The following PISD variants were observed in gnomAD, a reference collection of about 807,000 sequenced individuals.
PISD encodes phosphatidylserine decarboxylase, also known as phosphatidylserine decarboxylase proenzyme, mitochondrial.
In PISD, 31 loss-of-function variants were observed where a neutral mutation model predicts 43.5. The observed-to-expected ratio is 0.71, with a 90% confidence interval of 0.54 to 0.96. The LOEUF (loss-of-function observed/expected upper bound fraction) is 0.96. Ranked by LOEUF, PISD falls within the 40% of genes least tolerant of loss-of-function variation. PISD has a pLI of 0.00. For synonymous variants in PISD, 259 were observed against 228.7 expected (o/e 1.13, Z -1.20); for missense variants, 523 against 548.4 (o/e 0.95, Z 0.46).
intron 3 of PISD, among the ~76,000 whole-genome samples, chr22:31,647,610 T>C (rs916044908): frequency 1.3e-5 from 2 of 152,256 alleles, no homozygotes; most frequent in Admixed American, 6.5e-5. Flanking sequence ...GAAGCACAGA[T>C]GAACAAGATG....
rs776717426 is a variant in PISD at position 31,619,491 on chromosome 22, T to TCA, written c.*119_*120dup. 1.7e-4 allele frequency: 128 copies of TCA among 760,872 alleles called. No homozygotes were observed. Among genetic ancestry groups the TCA allele is most frequent in the Non-Finnish European group, 2.8e-4 (119 of 430,082 alleles). The allele number at this position is 760,872 out of a possible 1,614,324, so 47.1% of individuals were successfully genotyped here. A position where few individuals can be genotyped will look rare whatever the true frequency, so the allele number is the denominator to read the frequency against. On this transcript the variant is annotated 3_prime_UTR_variant, in exon 8 of 8. Coordinates refer to ENST00000439502, the MANE Select transcript of PISD (RefSeq NM_001326411.2). Reference sequence around the variant, plus strand: ...GCCGAATCATTCAAGTCCTACCTGGTCAGACTCCCAACCACGCTGAGGCAG... The same window carrying TCA: ...GCCGAATCATTCAAGTCCTACCTGGTCACAGACTCCCAACCACGCTGAGGCAG...
intron 3 of PISD, chr22:31,628,934 G>C: frequency 1.0e-6 from 1 of 985,442 alleles, no homozygotes; most frequent in Non-Finnish European, 1.2e-6. Context: ...GAGGGGCTTA[G>C]GTGGCAGTTC....
At chr22:31,620,529 T>TG (rs1310332130) in intron 7 of PISD, 24 bp downstream of exon 7, 2 of 1,612,724 alleles carry the variant, frequency 1.2e-6, no homozygotes, top group African/African-American at 2.7e-5. Context: ...CCTTGGGCTT[T>TG]GGCAGGGCCT....
chr22:31,641,123 T>C (rs981143056), intron 3 of PISD, among the ~76,000 whole-genome samples: 2 of 151,920 alleles, frequency 1.3e-5, no homozygotes, highest in East Asian at 3.9e-4. Context: ...TGACCTCAGG[T>C]GATCCACCCA....
intron 3 of PISD, chr22:31,628,225 G>GA: frequency 1.0e-6 from 1 of 983,580 alleles, no homozygotes; most frequent in Non-Finnish European, 1.2e-6. Context: ...AGGATGGAGA[G>GA]AAGGGGCGCC....
At chr22:31,621,584 G>T (rs2072581163) in intron 4 of PISD, 65 bp downstream of exon 4, 1 of 1,588,120 alleles carries the variant, frequency 6.3e-7, no homozygotes, top group Admixed American at 1.7e-5. Context: ...TGGAGACCAG[G>T]GGGGCTGTGC....
intron 3 of PISD, among the ~76,000 whole-genome samples, chr22:31,647,429 C>A (rs1441971928): frequency 6.6e-6 from 1 of 152,174 alleles, no homozygotes; most frequent in Non-Finnish European, 1.5e-5. Context: ...ACTGTCACCC[C>A]CTCTTTTGCC....
chr22:31,621,501 G>A (rs2072570689), intron 4 of PISD, 29 bp from the exon 5 acceptor site: 5 of 1,613,328 alleles, frequency 3.1e-6, no homozygotes, highest in Non-Finnish European at 4.2e-6. Context: ...CTTGCTGCCA[G>A]GGAGAGCAGG....
chr22:31,657,993 C>T (rs2074225812), intron 1 of PISD, among the ~76,000 whole-genome samples: 1 of 152,190 alleles, frequency 6.6e-6, no homozygotes, highest in Non-Finnish European at 1.5e-5. Context: ...TGAGCACTAA[C>T]TTCTTAATTA....
chr22:31,652,870 C>G (rs1255375492), intron 1 of PISD, among the ~76,000 whole-genome samples: 2 of 151,820 alleles, frequency 1.3e-5, no homozygotes. Context: ...GAAACCCCAT[C>G]TGTACAAAAA....
At chr22:31,633,107 C>T (rs570283189) in intron 3 of PISD, among the ~76,000 whole-genome samples, 1 of 152,348 alleles carries the variant, frequency 6.6e-6, no homozygotes, top group East Asian at 1.9e-4. Context: ...AAGATGTTGA[C>T]GCAGAATCCT....
intron 2 of PISD, among the ~76,000 whole-genome samples, chr22:31,649,233 A>G (rs76040166): frequency 2.2e-4 from 33 of 152,260 alleles, no homozygotes; most frequent in Admixed American, 3.9e-4. Flanking sequence ...ATCAATCAAA[A>G]TGTGCAAAGG....
intron 3 of PISD, among the ~76,000 whole-genome samples, chr22:31,633,665 A>C (rs2073300430): frequency 6.6e-6 from 1 of 152,172 alleles, no homozygotes; most frequent in African/African-American, 2.4e-5. Context: ...CAGTGAGCCG[A>C]GATCGTACCA....
chr22:31,660,230 A>C lies in PISD; in HGVS notation c.65+1914T>G, dbSNP rs1184429364. Among the ~76,000 whole-genome samples, 10 of 152,156 alleles carry C rather than the reference A, an allele frequency of 6.6e-5. No individual in the cohort carries two copies. The East Asian group carries it at 1.9e-3, about 29-fold the overall frequency. ...AAATTAAGGTTTCTTATTGTACCCAAATCTTCATCTCTCTCACCCACTGCA... is the reference window on the plus strand; with the variant it reads ...AAATTAAGGTTTCTTATTGTACCCACATCTTCATCTCTCTCACCCACTGCA... On this transcript the variant is annotated intron_variant, in intron 1 of 7. Coordinates refer to ENST00000439502, the MANE Select transcript of PISD (RefSeq NM_001326411.2).
In PISD at chr22:31,621,709, G is replaced by A. The variant is rs1348346345; in HGVS notation, c.498C>T (p.Ser166=). The change falls in exon 4 of 8, where the codon AGC becomes AGT. Residue 166 remains serine, a synonymous_variant. Transcript: ENST00000439502. ...VEDLHHYRNL[S]EFFRRKLKPQ... is the part of the protein sequence containing the mutation. ...GCTTCAGCTTGCGCCGGAAGAACTC[G>A]CTGAGGTTGCGGTAGTGATGCAGGT... 13 of 1,613,946 alleles carry A rather than the reference G, an allele frequency of 8.1e-6. No homozygotes were observed. The highest frequency in any genetic ancestry group is 1.1e-5 in the South Asian group (1 of 91,090).
chr22:31,656,230 G>A (rs760178894), intron 1 of PISD, among the ~76,000 whole-genome samples: 7 of 152,250 alleles, frequency 4.6e-5, no homozygotes, highest in Non-Finnish European at 8.8e-5. Flanking sequence ...TATAATCCCA[G>A]CTACTTGGGA....
At chr22:31,620,806 C>T in intron 6 of PISD, 93 bp from the exon 7 acceptor site, 3 of 1,503,376 alleles carry the variant, frequency 2.0e-6, no homozygotes, top group Non-Finnish European at 2.7e-6. Flanking sequence ...TGGCCTGTTG[C>T]CCCGATGTCA....
At chr22:31,623,799 C>T in intron 3 of PISD, 1 of 1,614,060 alleles carries the variant, frequency 6.2e-7, no homozygotes. Flanking sequence ...TCTGGACATG[C>T]AGCTCAGCTG....
At chr22:31,646,478 C>T (rs1355241746) in intron 3 of PISD, among the ~76,000 whole-genome samples, 1 of 152,192 alleles carries the variant, frequency 6.6e-6, no homozygotes, top group Non-Finnish European at 1.5e-5. Flanking sequence ...ATTACATAAA[C>T]AGCAGATACT....
Sources: gnomAD v4.1 joint callset for allele counts (sites outside exome capture counted in the v4.1 genomes callset) on GRCh38, gnomAD v4.1.1 for gene constraint, MANE v1.5 for transcripts, NCBI Gene and HGNC (gene_info 2026-07-23, HGNC 2026-07-21) for gene names.